The following RTL4 variants were observed in gnomAD, a reference collection of about 807,000 sequenced individuals.
RTL4 encodes the protein retrotransposon Gag-like protein 4.
A neutral mutation model predicts 5.3 loss-of-function variants in RTL4; 4 were observed. The ratio of observed to expected loss-of-function variants is 0.75; its 90% CI spans 0.37 to 1.72. The LOEUF (loss-of-function observed/expected upper bound fraction) is 1.72, where lower values mean the gene tolerates loss of function less well. Among genes scored for constraint, RTL4 ranks in the 40% most tolerant of loss-of-function variants. The probability of loss-of-function intolerance (pLI) is 0.04; values close to 1 mark genes in which losing one functional copy is unlikely to be tolerated. For missense variants in RTL4, 260 were observed against 227.1 expected (o/e 1.14, Z -0.93); for synonymous variants, 98 against 87.3 (o/e 1.12, Z -0.68).
the RTL4 span, among the ~76,000 whole-genome samples, chrX:112,135,704 G>A: frequency 1.0e-4 from 11 of 110,014 alleles, no homozygotes; most frequent in Non-Finnish European, 1.3e-4. Flanking sequence ...TGTGAGATAC[G>A]GATTAAAGTC....
chrX:112,367,367 C>A, the RTL4 span, among the ~76,000 whole-genome samples: 1 of 111,218 alleles, frequency 9.0e-6, no homozygotes, highest in Non-Finnish European at 1.9e-5. Context: ...CTTTTGAGTG[C>A]TAGAGAAAAT....
the RTL4 span, among the ~76,000 whole-genome samples, chrX:112,196,962 G>T: frequency 1.8e-5 from 2 of 109,784 alleles, no homozygotes; most frequent in Admixed American, 9.6e-5. Context: ...CAGCAATGAG[G>T]TGATATCTCA....
chrX:112,273,376 C>T, the RTL4 span, among the ~76,000 whole-genome samples: 1 of 109,837 alleles, frequency 9.1e-6, no homozygotes, highest in Non-Finnish European at 1.9e-5. Context: ...GCCTCAGCCT[C>T]CCGAGTAGCT....
chrX:112,225,156 G>A, the RTL4 span, among the ~76,000 whole-genome samples: 1 of 111,764 alleles, frequency 8.9e-6, no homozygotes, highest in African/African-American at 3.3e-5. Flanking sequence ...TGATACCAGA[G>A]CTTGCCTGCT....
chrX:112,200,155 TAATTC>T, the RTL4 span, among the ~76,000 whole-genome samples: 1 of 112,021 alleles, frequency 8.9e-6, no homozygotes, highest in Non-Finnish European at 1.9e-5. Context: ...AGGGAACCCA[TAATTC>T]AAACTTAGGT....
the RTL4 span, among the ~76,000 whole-genome samples, chrX:112,278,432 T>G: frequency 8.9e-6 from 1 of 112,282 alleles, no homozygotes; most frequent in Non-Finnish European, 1.9e-5. Context: ...CTAGAGATAC[T>G]GACATCTAAA....
chrX:112,404,472 G>GT, the RTL4 span, among the ~76,000 whole-genome samples: 1 of 111,593 alleles, frequency 9.0e-6, no homozygotes, highest in African/African-American at 3.3e-5. Flanking sequence ...CAGAGTCTCC[G>GT]TTTTTTCTCT....
At chrX:112,173,090 C>T in the RTL4 span, among the ~76,000 whole-genome samples, 4 of 109,282 alleles carry the variant, frequency 3.7e-5, no homozygotes, top group East Asian at 1.2e-3. Flanking sequence ...ATTAGTGCAG[C>T]AAACCATCAA....
At chrX:112,143,420 A>G in the RTL4 span, among the ~76,000 whole-genome samples, 1 of 111,356 alleles carries the variant, frequency 9.0e-6, no homozygotes. Flanking sequence ...TGCTTTTGCC[A>G]TTACTATTGT....
chrX:112,159,544 T>G, the RTL4 span, among the ~76,000 whole-genome samples: 1 of 112,139 alleles, frequency 8.9e-6, no homozygotes, highest in Non-Finnish European at 1.9e-5. Flanking sequence ...CATATTTAGA[T>G]TCAAGTAAAC....
the RTL4 span, among the ~76,000 whole-genome samples, chrX:112,203,109 G>A: frequency 1.8e-5 from 2 of 110,631 alleles, no homozygotes; most frequent in Non-Finnish European, 3.8e-5. Context: ...GTTCTACTTG[G>A]ATGGTTTGTA....
the RTL4 span, among the ~76,000 whole-genome samples, chrX:112,435,703 G>A: frequency 0.17 from 18,314 of 110,976 alleles, 1,101 homozygotes; most frequent in East Asian, 0.27. Context: ...GAAAAAGTCC[G>A]AAAAGAGACA....
At chrX:112,141,271 AC>A in the RTL4 span, among the ~76,000 whole-genome samples, 1 of 111,600 alleles carries the variant, frequency 9.0e-6, no homozygotes, top group East Asian at 2.8e-4. Flanking sequence ...TTTATCTTCA[AC>A]CTTACTAAGC....
chrX:112,313,013 G>A, the RTL4 span, among the ~76,000 whole-genome samples: 77 of 111,351 alleles, frequency 6.9e-4, 1 homozygote, highest in Non-Finnish European at 1.3e-3. Context: ...GTGTGCATAC[G>A]TATGTGTGTT....
At chrX:112,299,892 G>A in the RTL4 span, among the ~76,000 whole-genome samples, 1 of 110,797 alleles carries the variant, frequency 9.0e-6, no homozygotes, top group Non-Finnish European at 1.9e-5. Context: ...TACTGTATGT[G>A]TGTGTGTACA....
At chrX:112,437,126 C>T in the RTL4 span, among the ~76,000 whole-genome samples, 1 of 111,687 alleles carries the variant, frequency 9.0e-6, no homozygotes. Context: ...TAGCTTCTAC[C>T]TACTTTCCTG....
chrX:112,291,697 C>T, the RTL4 span, among the ~76,000 whole-genome samples: 1 of 110,410 alleles, frequency 9.1e-6, no homozygotes, highest in Admixed American at 9.6e-5. Context: ...CCCCGGTTCA[C>T]GCCATTCTCC....
the RTL4 span, among the ~76,000 whole-genome samples, chrX:112,303,886 A>G: frequency 9.0e-6 from 1 of 110,999 alleles, no homozygotes; most frequent in Non-Finnish European, 1.9e-5. Context: ...ATATACAGGG[A>G]TGCTTGTATT....
At chrX:112,325,269 T>A in the RTL4 span, among the ~76,000 whole-genome samples, 2 of 111,703 alleles carry the variant, frequency 1.8e-5, no homozygotes, top group Non-Finnish European at 1.9e-5. Context: ...AAGCTACCAA[T>A]GACATTCTTC....
Sources: allele counts gnomAD v4.1 joint callset (sites outside exome capture counted in the v4.1 genomes callset), GRCh38; gene constraint gnomAD v4.1.1; transcripts MANE v1.5; gene names NCBI Gene and HGNC (gene_info 2026-07-23, HGNC 2026-07-21).